Variants in MINK1 observed in about 807,000 individuals in gnomAD.
MINK1 encodes the protein misshapen-like kinase 1.
A neutral mutation model predicts 178.4 loss-of-function variants in MINK1; 46 were observed. The ratio of observed to expected loss-of-function variants is 0.26; its 90% CI spans 0.20 to 0.33. The LOEUF (loss-of-function observed/expected upper bound fraction) is 0.33, where lower values mean the gene tolerates loss of function less well. Ranked by LOEUF, MINK1 falls within the 10% of genes least tolerant of loss-of-function variation. The pLI, the probability that MINK1 is intolerant of heterozygous loss-of-function variation, is 1.00. For missense variants in MINK1, 1,366 were observed against 1,814.9 expected, an observed-to-expected ratio of 0.75 and a Z score of 4.49; for synonymous variants, 797 against 709.7, an observed-to-expected ratio of 1.12 and a Z score of -1.96.
In MINK1 at chr17:4,838,599, C is replaced by T. The variant is rs576910406; in HGVS notation, c.57+4959C>T. On this transcript the variant is annotated intron_variant, in intron 1 of 31. Coordinates refer to ENST00000355280, the MANE Select transcript of MINK1 (RefSeq NM_153827.5). ...GACATGATGGCAGGAAGTGTGCAGC[C>T]GCTCTTGATAAGCTTGTATTCTGGT... Among the ~76,000 whole-genome samples the T allele has an allele frequency of 2.0e-5, 3 of 152,216 alleles. No individual in the cohort carries two copies. In the East Asian group the frequency reaches 5.8e-4, roughly 29 times the overall value.
intron 1 of MINK1, among the ~76,000 whole-genome samples, chr17:4,859,712 T>G (rs921626788): frequency 7.5e-6 from 1 of 132,642 alleles, no homozygotes; most frequent in Non-Finnish European, 1.6e-5. Flanking sequence ...CGCTTGAACT[T>G]GGGAGGCGGA....
chr17:4,895,045 C>T lies in MINK1; in HGVS notation c.2918-30C>T, dbSNP rs1268703242. ...AGAGATGGGGTGAGAAGCTGCAGCC[C>T]CTCCTCCCACCTCCTCCTCCTTCTG... On this transcript the variant is annotated intron_variant, in intron 24 of 31. Coordinates refer to ENST00000355280, the MANE Select transcript of MINK1 (RefSeq NM_153827.5). The surrounding 1 kb of genome is among the most constrained non-coding windows in gnomAD (Gnocchi z 4.3). 6.2e-7 allele frequency: 1 copy of T among 1,610,178 alleles called. No homozygotes were observed.
intron 1 of MINK1, chr17:4,857,461 T>TG (rs1488139809): frequency 1.5e-5 from 2 of 135,608 alleles, no homozygotes; most frequent in African/African-American, 2.8e-5. Context: ...GATGCTGGTT[T>TG]TTTTTTTTTT....
At chr17:4,857,351 A>C (rs1385884480) in intron 1 of MINK1, 1 of 160,072 alleles carries the variant, frequency 6.2e-6, no homozygotes, top group East Asian at 1.8e-4. Context: ...AAACCAAAGC[A>C]TACTCGGGGC....
intron 1 of MINK1, among the ~76,000 whole-genome samples, chr17:4,855,370 C>T (rs895655862): frequency 6.6e-6 from 1 of 150,738 alleles, no homozygotes; most frequent in African/African-American, 2.4e-5. Flanking sequence ...CCTGTAGTCC[C>T]AGCTACTCAG....
At chr17:4,852,580 T>C (rs1249289366) in intron 1 of MINK1, among the ~76,000 whole-genome samples, 1 of 150,444 alleles carries the variant, frequency 6.6e-6, no homozygotes, top group African/African-American at 2.5e-5. Context: ...GTTAGTGCAG[T>C]GTTCCTGCCC....
In MINK1 at chr17:4,886,326, C is replaced by T; in HGVS notation, c.774-125C>T. The T allele has an allele frequency of 1.3e-6, 2 of 1,495,182 alleles. No homozygotes were observed. The highest frequency in any genetic ancestry group is 1.4e-5 in the African/African-American group (1 of 72,498). 92.6% of individuals were successfully genotyped at this position (1,495,182 alleles called of 1,614,324 possible). ...GATTCTGGGGGGCAGAGGGCGGTGA[C>T]TGGTGTTGGGATATGAAGACAGGAG... On this transcript the variant is annotated intron_variant, in intron 9 of 31. Transcript: ENST00000355280. The surrounding 1 kb of genome is among the most constrained non-coding windows in gnomAD (Gnocchi z 6.1).
chr17:4,873,229 C>T (rs1227622499), intron 1 of MINK1, among the ~76,000 whole-genome samples: 2 of 152,246 alleles, frequency 1.3e-5, no homozygotes, highest in Admixed American at 6.5e-5. Context: ...CTTACACTCA[C>T]GAATGTCTGT....
rs540565489 is a variant in MINK1, at chr17:4,889,832, C to T, written c.1347+69C>T. The stretch of plus-strand genomic sequence containing the variant: ...CCTGCTGCCTGCCGCCCCTGCTCCC[C>T]GTGCCCTTCCCCCTTCTCTCCCCCA... On this transcript the variant is annotated intron_variant, in intron 13 of 31. Transcript: ENST00000355280. The T allele has an allele frequency of 4.2e-6, 5 of 1,181,368 alleles. No individual in the cohort carries two copies. The South Asian group carries it at 6.1e-5, about 14-fold the overall frequency. The allele number at this position is 1,181,368 out of a possible 1,614,324, so 73.2% of individuals were successfully genotyped here. A position where few individuals can be genotyped will look rare whatever the true frequency, so the allele number is the denominator to read the frequency against.
intron 1 of MINK1, among the ~76,000 whole-genome samples, chr17:4,835,902 G>A (rs981531324): frequency 3.3e-5 from 5 of 152,188 alleles, no homozygotes; most frequent in African/African-American, 9.7e-5. Context: ...CCTGCTCCCA[G>A]TGCTTCTGTC....
chr17:4,888,435 A>G (rs962240745), intron 12 of MINK1, among the ~76,000 whole-genome samples: 1 of 151,960 alleles, frequency 6.6e-6, no homozygotes, highest in Non-Finnish European at 1.5e-5. Context: ...CAGGAGTTCG[A>G]GACCAGCCTG....
chr17:4,866,229 A>G (rs1357754026), intron 1 of MINK1, among the ~76,000 whole-genome samples: 2 of 152,132 alleles, frequency 1.3e-5, no homozygotes, highest in Non-Finnish European at 2.9e-5. Flanking sequence ...GCACTTTGGG[A>G]GGCCAAGACA....
chr17:4,875,441 C>A, intron 1 of MINK1: 1 of 453,226 alleles, frequency 2.2e-6, no homozygotes, highest in Non-Finnish European at 4.4e-6. Context: ...TGCCACCGCA[C>A]TCCCACCTGG....
intron 1 of MINK1, among the ~76,000 whole-genome samples, chr17:4,863,182 T>G (rs1914444317): frequency 6.6e-6 from 1 of 152,196 alleles, no homozygotes; most frequent in Non-Finnish European, 1.5e-5. Context: ...GGTTCTGGGT[T>G]AATGGTAACA....
intron 1 of MINK1, among the ~76,000 whole-genome samples, chr17:4,853,470 T>G (rs1597410100): frequency 5.0e-5 from 6 of 119,618 alleles, no homozygotes; most frequent in East Asian, 2.6e-4. Context: ...GTGGGAAGAG[T>G]GTGGTTGGTG....
chr17:4,881,113 G>A lies in MINK1; in HGVS notation c.181-19G>A. On this transcript the variant is annotated intron_variant, in intron 3 of 31. Transcript: ENST00000355280. ...AGTGTTGGGGGAGTCTCAGGGCTCA[G>A]CTCCTCCCATCTGCTTAGGACGAGG... The A allele has an allele frequency of 6.5e-7, 1 of 1,537,110 alleles. No individual in the cohort carries two copies. Among genetic ancestry groups the A allele is most frequent in the Non-Finnish European group, 8.7e-7 (1 of 1,146,876 alleles).
chr17:4,848,505 C>T lies in MINK1; in HGVS notation c.57+14865C>T, dbSNP rs1457949077. 3.3e-5 allele frequency among the ~76,000 whole-genome samples: 5 copies of T among 152,030 alleles called. 1 individual carries two copies. Among genetic ancestry groups the T allele is most frequent in the African/African-American group, 1.2e-4 (5 of 41,426 alleles). On this transcript the variant is annotated intron_variant, in intron 1 of 31. Coordinates refer to ENST00000355280, the MANE Select transcript of MINK1 (RefSeq NM_153827.5). Reference sequence around the variant, plus strand: ...CCTCCCAAGTAGCTGGGACTACAGGCACCTGCCACCACACCTGGCTAATTT... The same window carrying T: ...CCTCCCAAGTAGCTGGGACTACAGGTACCTGCCACCACACCTGGCTAATTT...
intron 17 of MINK1, 81 bp from the exon 18 acceptor site, chr17:4,892,321 G>A (rs895416334): frequency 1.1e-4 from 162 of 1,431,894 alleles, no homozygotes; most frequent in Admixed American, 1.9e-4. Context: ...CAGCCTACCC[G>A]CCTGGGGGTG....
Position 4,885,855 on chromosome 17 carries a change from G to C in MINK1, c.640-56G>C, listed in dbSNP as rs770289823. Reference sequence around the variant, plus strand: ...GAGGCCAGGATGGTGGGTGAAGAGAGGTTGCAGGGCAGAGTTGTCAGGAAT... The same window carrying C: ...GAGGCCAGGATGGTGGGTGAAGAGACGTTGCAGGGCAGAGTTGTCAGGAAT... On this transcript the variant is annotated intron_variant, in intron 7 of 31. Coordinates refer to ENST00000355280, the MANE Select transcript of MINK1 (RefSeq NM_153827.5). This position sits in a 1 kb window ranked among gnomAD's most constrained non-coding sequence, Gnocchi z 5.0. 2 of 1,591,060 alleles carry C rather than the reference G, an allele frequency of 1.3e-6. No homozygotes were observed. Among genetic ancestry groups the C allele is most frequent in the African/African-American group, 1.3e-5 (1 of 74,394 alleles).
Sources: gnomAD v4.1 joint callset for allele counts (sites outside exome capture counted in the v4.1 genomes callset) on GRCh38, gnomAD v4.1.1 for gene constraint, Gnocchi (gnomAD v3.1) non-coding constraint, MANE v1.5 for transcripts, NCBI Gene and HGNC (gene_info 2026-07-23, HGNC 2026-07-21) for gene names.